Variants in DNAAF3 observed in about 807,000 individuals in gnomAD.
DNAAF3 encodes dynein axonemal assembly factor 3.
DNAAF3 carries 40 observed loss-of-function variants against 50.9 expected under a neutral mutation model. The ratio of observed to expected loss-of-function variants is 0.79; its 90% CI spans 0.61 to 1.02. The LOEUF is 1.02. Ranked by LOEUF, DNAAF3 falls within the 50% of genes least tolerant of loss-of-function variation. The probability of loss-of-function intolerance (pLI) is 0.00; values close to 1 mark genes in which losing one functional copy is unlikely to be tolerated. For synonymous variants in DNAAF3, 327 were observed against 322.8 expected (o/e 1.01, Z -0.14); for missense variants, 763 against 744.7 (o/e 1.02, Z -0.29).
rs387907152 is a variant in DNAAF3 at position 55,165,427 on chromosome 19, G to A, written c.265C>T (p.Arg89Ter). ...GCTAGGCTGAAGATCAGCATGTGTC[G>A]GGCCACAGCTTCCAGATTATTCTCC... ...VLENNLEAVARHMLIFSLALE... is the reference protein window; with the variant it reads ...VLENNLEAVA The change falls in exon 4 of 12, where the codon CGA becomes TGA. Residue 89 changes from arginine (R) to a stop codon, truncating the protein, a stop_gained. Transcript: ENST00000524407. LOFTEE classifies it high-confidence loss of function. The A allele has an allele frequency of 5.6e-6, 9 of 1,613,920 alleles. No individual in the cohort carries two copies. The highest frequency in any genetic ancestry group is 7.6e-6 in the Non-Finnish European group (9 of 1,180,030).
chr19:55,159,551 A>G lies in DNAAF3; in HGVS notation c.1220T>C (p.Leu407Ser). The G allele has an allele frequency of 6.2e-7, 1 of 1,602,088 alleles. No individual in the cohort carries two copies. The highest frequency in any genetic ancestry group is 8.5e-7 in the Non-Finnish European group (1 of 1,173,814). ...LGACVAPGGN[L>S]IVELARYLVD... ...GACTCACCGGGCTAATTCCACAATCAAGTTCCCTCCGGGTGCCACACAGGC... is the reference window on the plus strand; with the variant it reads ...GACTCACCGGGCTAATTCCACAATCGAGTTCCCTCCGGGTGCCACACAGGC... The change falls in exon 11 of 12, where the codon TTG (leucine) becomes TCG (serine). Residue 407 changes from leucine (L) to serine (S), a missense_variant. Coordinates refer to ENST00000524407, the MANE Select transcript of DNAAF3 (RefSeq NM_001256715.2).
intron 4 of DNAAF3, among the ~76,000 whole-genome samples, chr19:55,165,021 CTTTTTTTTTTT>C (rs1164581047): frequency 3.5e-5 from 3 of 84,572 alleles, no homozygotes; most frequent in African/African-American, 1.6e-4. Context: ...GTTTCGCTCT[CTTTTTTTTTTT>C]TTTTTTTTTT....
At position 55,166,497 on chromosome 19, in the gene DNAAF3, G is replaced by C; in HGVS notation, c.-5+26C>G. 1 of 1,613,598 alleles carries C rather than the reference G, an allele frequency of 6.2e-7. No homozygotes were observed. Among genetic ancestry groups the C allele is most frequent in the Non-Finnish European group, 8.5e-7 (1 of 1,179,712 alleles). On this transcript the variant is annotated intron_variant, in intron 1 of 11. Coordinates refer to ENST00000524407, the MANE Select transcript of DNAAF3 (RefSeq NM_001256715.2). This position sits in a 1 kb window ranked among gnomAD's most constrained non-coding sequence, Gnocchi z 4.0. ...ACCGCCCCTCACTTCTCGCCCCTTTGCCTCCACATGATACCTTGCCCACAC... is the reference window on the plus strand; with the variant it reads ...ACCGCCCCTCACTTCTCGCCCCTTTCCCTCCACATGATACCTTGCCCACAC...
Position 55,160,722 on chromosome 19 carries a change from G to A in DNAAF3, c.966C>T (p.Ala322=). The change falls in exon 9 of 12, where the codon GCC becomes GCT. Residue 322 remains alanine, a synonymous_variant. Coordinates refer to ENST00000524407, the MANE Select transcript of DNAAF3 (RefSeq NM_001256715.2). The surrounding 1 kb of genome is among the most constrained non-coding windows in gnomAD (Gnocchi z 4.7). ...HNVTELLRDV[A]AWGRARATGG... is the part of the protein sequence containing the mutation. ...CGGTGGCTCTCGCGCGCCCCCAGGCGGCCACGTCGCGGAGCAGCTCCGTCA... is the reference window on the plus strand; with the variant it reads ...CGGTGGCTCTCGCGCGCCCCCAGGCAGCCACGTCGCGGAGCAGCTCCGTCA... The A allele has an allele frequency of 6.2e-7, 1 of 1,613,070 alleles. No homozygotes were observed. The highest frequency in any genetic ancestry group is 8.5e-7 in the Non-Finnish European group (1 of 1,179,884).
chr19:55,164,525 T>G (rs1214395313), intron 4 of DNAAF3, among the ~76,000 whole-genome samples: 1 of 146,078 alleles, frequency 6.8e-6, no homozygotes, highest in Non-Finnish European at 1.5e-5. Context: ...TTCTTTTTCT[T>G]TCTTTCTTTT....
rs770306950 is a variant in DNAAF3, at chr19:55,165,920, CCA to C, written c.164_165del (p.Val55GlyfsTer28). ...PELDVLLLGS[V>X]DGRHLLRTLS... ...AGGGTCCGCAGCAGGTGCCGTCCATCCACAGAGCCCAGAAGCAGCACATCTAG... is the reference window on the plus strand; with the variant it reads ...AGGGTCCGCAGCAGGTGCCGTCCATCCAGAGCCCAGAAGCAGCACATCTAG... On this transcript the variant is annotated frameshift_variant, in exon 3 of 12. Transcript: ENST00000524407. LOFTEE classifies it high-confidence loss of function. 1.2e-5 allele frequency: 19 copies of C among 1,614,240 alleles called. No individual in the cohort carries two copies. The South Asian group carries it at 1.2e-4, about 10-fold the overall frequency.
Position 55,161,577 on chromosome 19 carries a change from G to A in DNAAF3, c.663+66C>T. ...AACCCTCCTCCCTCAGACTCAGGAG[G>A]CCCCCAGCCCCTCCTCCCTCAGACC... On this transcript the variant is annotated intron_variant, in intron 6 of 11. Coordinates refer to ENST00000524407, the MANE Select transcript of DNAAF3 (RefSeq NM_001256715.2). The surrounding 1 kb of genome is among the most constrained non-coding windows in gnomAD (Gnocchi z 6.4). 1 of 1,472,924 alleles carries A rather than the reference G, an allele frequency of 6.8e-7. No homozygotes were observed. Among genetic ancestry groups the A allele is most frequent in the South Asian group, 1.3e-5 (1 of 75,644 alleles). 91.2% of individuals were successfully genotyped at this position (1,472,924 alleles called of 1,614,324 possible).
chr19:55,161,330 G>A lies in DNAAF3; in HGVS notation c.752C>T (p.Pro251Leu), dbSNP rs1054915664. The A allele has an allele frequency of 9.3e-6, 15 of 1,611,690 alleles. No individual in the cohort carries two copies. The highest frequency in any genetic ancestry group is 1.3e-5 in the Non-Finnish European group (15 of 1,179,046). Residue 251 changes from proline (P) to leucine (L), a missense_variant, in exon 7 of 12, where the codon CCC becomes CTC. Transcript: ENST00000524407. The surrounding 1 kb of genome is among the most constrained non-coding windows in gnomAD (Gnocchi z 6.4). ...GCGACCGGACGCCAGGGTCCGGTTG[G>A]GCACATGATAGGCGCTGGAGTCCCT... Reference protein sequence around the residue: ...ELRDSSAYHVPNRTLASGRLL... With the variant: ...ELRDSSAYHVLNRTLASGRLL...
intron 3 of DNAAF3, 169 bp downstream of exon 3, chr19:55,165,689 C>A (rs1258447629): frequency 2.4e-6 from 3 of 1,248,812 alleles, no homozygotes; most frequent in East Asian, 2.5e-5. Context: ...GAGTTCCAAA[C>A]CCCAGCCCCT....
rs2147289446 is a variant in DNAAF3, at chr19:55,158,970, G to T, written c.*92C>A. The T allele has an allele frequency of 5.0e-6, 7 of 1,403,230 alleles. No homozygotes were observed. In the South Asian group the frequency reaches 1.0e-4, roughly 20 times the overall value. 86.9% of individuals were successfully genotyped at this position (1,403,230 alleles called of 1,614,324 possible). A position where few individuals can be genotyped will look rare whatever the true frequency, so the allele number is the denominator to read the frequency against. On this transcript the variant is annotated 3_prime_UTR_variant, in exon 12 of 12. Transcript: ENST00000524407. ...TGGGAATGATTAGAATAAAATTGAG[G>T]ACTCTAGCAGCGGACTTAGAATGGT...
chr19:55,160,627 G>C lies in DNAAF3; in HGVS notation c.1048+13C>G. 1.3e-6 allele frequency: 2 copies of C among 1,594,102 alleles called. No individual in the cohort carries two copies. The highest frequency in any genetic ancestry group is 2.4e-5 in the East Asian group (1 of 42,316). On this transcript the variant is annotated intron_variant, in intron 9 of 11. Coordinates refer to ENST00000524407, the MANE Select transcript of DNAAF3 (RefSeq NM_001256715.2). The surrounding 1 kb of genome is among the most constrained non-coding windows in gnomAD (Gnocchi z 4.7). ...TGGAGTCCCTGGCTTACCTGTTGTT[G>C]TCCCTGGCTTACCTGGAGTCCCTGG...
In DNAAF3 at chr19:55,159,110, C is replaced by G. The variant is rs899636986; in HGVS notation, c.1578G>C (p.Gly526=). ...ACTCACAGTTGGGCGGAGCCAAGGC[C>G]CCCTGAGGCTGAGCCAGAACCTCTG... ...SLSEVLAQPQ[G]ALAPPNCESD... The change falls in exon 12 of 12, where the codon GGG becomes GGC. Residue 526 remains glycine (G), a synonymous_variant. Coordinates refer to ENST00000524407, the MANE Select transcript of DNAAF3 (RefSeq NM_001256715.2). 1 of 1,611,614 alleles carries G rather than the reference C, an allele frequency of 6.2e-7. No homozygotes were observed.
chr19:55,165,234 C>T (rs368939331), intron 4 of DNAAF3, 136 bp downstream of exon 4: 67 of 807,410 alleles, frequency 8.3e-5, no homozygotes, highest in East Asian at 7.5e-4. Context: ...AGTGCAATGG[C>T]GCGATCTCGG....
chr19:55,158,935 G>T lies in DNAAF3; in HGVS notation c.*127C>A. On this transcript the variant is annotated 3_prime_UTR_variant, in exon 12 of 12. Transcript: ENST00000524407. Reference sequence around the variant, plus strand: ...CCAACACTCCCGGGGTGGGGGTGGCGGGTACTGAGTGGGAATGATTAGAAT... The same window carrying T: ...CCAACACTCCCGGGGTGGGGGTGGCTGGTACTGAGTGGGAATGATTAGAAT... The T allele has an allele frequency of 9.5e-7, 1 of 1,049,256 alleles. No homozygotes were observed. Among genetic ancestry groups the T allele is most frequent in the Non-Finnish European group, 1.3e-6 (1 of 743,544 alleles). The allele number at this position is 1,049,256 out of a possible 1,614,324, so 65.0% of individuals were successfully genotyped here.
chr19:55,163,450 G>A (rs1023029836), intron 4 of DNAAF3, among the ~76,000 whole-genome samples: 4 of 150,464 alleles, frequency 2.7e-5, no homozygotes, highest in African/African-American at 7.3e-5. Context: ...GAGCCACCGC[G>A]CCCGGCCAAT....
At chr19:55,165,215 C>CTAGGCTGGAGTGCAATGGCG (rs1245940494) in intron 4 of DNAAF3, among the ~76,000 whole-genome samples, 155 bp downstream of exon 4, 11 of 151,520 alleles carry the variant, frequency 7.3e-5, no homozygotes, top group Non-Finnish European at 1.5e-5. Flanking sequence ...CTCTTGTTGC[C>CTAGGCTGGAGTGCAATGGCG]TAGGCTGGAG....
rs1357572748 is a variant in DNAAF3, at chr19:55,160,738, A to T, written c.950T>A (p.Leu317Gln). ...GEITQHNVTELLRDVAAWGRA... is the reference protein window; with the variant it reads ...GEITQHNVTEQLRDVAAWGRA... Reference sequence around the variant, plus strand: ...CCCCCAGGCGGCCACGTCGCGGAGCAGCTCCGTCACGTTGTGTTGAGTGAT... The same window carrying T: ...CCCCCAGGCGGCCACGTCGCGGAGCTGCTCCGTCACGTTGTGTTGAGTGAT... Residue 317 changes from leucine to glutamine, a missense_variant, in exon 9 of 12, where the codon CTG (leucine) becomes CAG (glutamine). Leu to Gln is a moderately radical substitution (Grantham distance 113). Transcript: ENST00000524407. This position sits in a 1 kb window ranked among gnomAD's most constrained non-coding sequence, Gnocchi z 4.7. 1 of 1,612,570 alleles carries T rather than the reference A, an allele frequency of 6.2e-7. No homozygotes were observed. The highest frequency in any genetic ancestry group is 1.1e-5 in the South Asian group (1 of 91,030).
In DNAAF3 at chr19:55,160,962, C is replaced by CG. The variant is rs2085816337; in HGVS notation, c.912+102dup. 2 of 1,452,696 alleles carry CG rather than the reference C, an allele frequency of 1.4e-6. No individual in the cohort carries two copies. Among genetic ancestry groups the CG allele is most frequent in the African/African-American group, 1.4e-5 (1 of 69,920 alleles). The allele number at this position is 1,452,696 out of a possible 1,614,324, so 90.0% of individuals were successfully genotyped here. ...GGAGTCGTTCCCACCAAGCGACGGG[C>CG]GGGGTCTGGAGCTGGGGGCGGGGCC... On this transcript the variant is annotated intron_variant, in intron 8 of 11. Transcript: ENST00000524407. This position sits in a 1 kb window ranked among gnomAD's most constrained non-coding sequence, Gnocchi z 4.7.
In DNAAF3 at chr19:55,160,621, G is replaced by C. The variant is rs915479223; in HGVS notation, c.1048+19C>G. On this transcript the variant is annotated intron_variant, in intron 9 of 11. Transcript: ENST00000524407. This position sits in a 1 kb window ranked among gnomAD's most constrained non-coding sequence, Gnocchi z 4.7. ...GGAGGCTGGAGTCCCTGGCTTACCTGTTGTTGTCCCTGGCTTACCTGGAGT... is the reference window on the plus strand; with the variant it reads ...GGAGGCTGGAGTCCCTGGCTTACCTCTTGTTGTCCCTGGCTTACCTGGAGT... The C allele has an allele frequency of 6.8e-7, 1 of 1,468,260 alleles. No individual in the cohort carries two copies. The highest frequency in any genetic ancestry group is 1.5e-5 in the African/African-American group (1 of 67,634). The allele number at this position is 1,468,260 out of a possible 1,614,324, so 91.0% of individuals were successfully genotyped here.
Sources: allele counts gnomAD v4.1 joint callset (sites outside exome capture counted in the v4.1 genomes callset), GRCh38; gene constraint gnomAD v4.1.1; non-coding constraint Gnocchi (gnomAD v3.1); transcripts MANE v1.5; gene names NCBI Gene and HGNC (gene_info 2026-07-23, HGNC 2026-07-21).